Variants in MRAP2 observed in about 807,000 individuals in gnomAD.
MRAP2 encodes melanocortin 2 receptor accessory protein 2, also known as melanocortin-2 receptor accessory protein 2.
In MRAP2, 20 loss-of-function variants were observed where a neutral mutation model predicts 17.4. The ratio of observed to expected loss-of-function variants is 1.15; its 90% CI spans 0.81 to 1.67. MRAP2 has a LOEUF of 1.67. Among genes scored for constraint, MRAP2 ranks in the 40% most tolerant of loss-of-function variants. The probability of loss-of-function intolerance (pLI) is 0.00; values close to 1 mark genes in which losing one functional copy is unlikely to be tolerated. For synonymous variants in MRAP2, 96 were observed against 88.4 expected, an observed-to-expected ratio of 1.09 and a Z score of -0.48; for missense variants, 238 against 240.0, an observed-to-expected ratio of 0.99 and a Z score of 0.05.
At chr6:84,118,646 C>A in the MRAP2 span, among the ~76,000 whole-genome samples, 1 of 152,204 alleles carries the variant, frequency 6.6e-6, no homozygotes, top group Admixed American at 6.5e-5. Flanking sequence ...CCCACCCCTT[C>A]CCCTGGGGAC....
chr6:84,106,287 G>A, the MRAP2 span, among the ~76,000 whole-genome samples: 11 of 152,186 alleles, frequency 7.2e-5, no homozygotes, highest in Admixed American at 1.3e-4. Flanking sequence ...CATTCTATAC[G>A]TCAGTGGTTG....
the MRAP2 span, among the ~76,000 whole-genome samples, chr6:84,129,908 G>A: frequency 1.3e-5 from 2 of 152,150 alleles, no homozygotes; most frequent in Non-Finnish European, 2.9e-5. Flanking sequence ...GAATTGAATA[G>A]GAGTGGTGAG....
the MRAP2 span, among the ~76,000 whole-genome samples, chr6:84,139,374 C>G: frequency 6.6e-6 from 1 of 152,178 alleles, no homozygotes; most frequent in Non-Finnish European, 1.5e-5. Context: ...TTCTAAGCCA[C>G]TGTTTTGAGT....
chr6:84,124,770 G>A, the MRAP2 span: 67 of 337,394 alleles, frequency 2.0e-4, no homozygotes, highest in South Asian at 3.0e-4. Context: ...AAAATGTGGC[G>A]GAGTATGTTC....
chr6:84,052,806 T>G, intron 1 of MRAP2: 8 of 985,300 alleles, frequency 8.1e-6, no homozygotes, highest in Non-Finnish European at 9.6e-6. Context: ...TCACTCATTC[T>G]TGTCTCTCAG....
At chr6:84,128,104 C>T in the MRAP2 span, among the ~76,000 whole-genome samples, 1,005 of 152,300 alleles carry the variant, frequency 6.6e-3, 7 homozygotes, top group African/African-American at 0.023. Flanking sequence ...TAGCACCCAG[C>T]GCTGCCCATG....
chr6:84,131,488 T>C, the MRAP2 span, among the ~76,000 whole-genome samples: 3 of 152,212 alleles, frequency 2.0e-5, no homozygotes, highest in Non-Finnish European at 4.4e-5. Flanking sequence ...TCTAGGTCTC[T>C]TTGTAGGTCT....
the MRAP2 span, among the ~76,000 whole-genome samples, chr6:84,139,733 G>T: frequency 1.8e-4 from 27 of 152,142 alleles, no homozygotes; most frequent in Non-Finnish European, 1.0e-4. Flanking sequence ...AGATTGGTAG[G>T]AGAAAAAAAT....
At chr6:84,145,517 A>T in the MRAP2 span, among the ~76,000 whole-genome samples, 1 of 152,144 alleles carries the variant, frequency 6.6e-6, no homozygotes, top group Non-Finnish European at 1.5e-5. Context: ...ACTGTGCTTC[A>T]TTAGAAAACT....
chr6:84,110,525 A>T, the MRAP2 span, among the ~76,000 whole-genome samples: 3 of 151,892 alleles, frequency 2.0e-5, no homozygotes, highest in African/African-American at 7.2e-5. Context: ...TCTACGATAG[A>T]TTGCAAAGAT....
intron 3 of MRAP2, among the ~76,000 whole-genome samples, chr6:84,064,635 C>T (rs373984287): frequency 1.3e-5 from 2 of 152,220 alleles, no homozygotes; most frequent in East Asian, 1.9e-4. Flanking sequence ...CTACAGGCAC[C>T]CACCACCACG....
chr6:84,068,859 G>A (rs2099495479), intron 3 of MRAP2, among the ~76,000 whole-genome samples: 1 of 148,700 alleles, frequency 6.7e-6, no homozygotes, highest in South Asian at 2.1e-4. Flanking sequence ...AGTAGAGATG[G>A]GGTTTCACTG....
chr6:84,117,542 ATG>A, the MRAP2 span, among the ~76,000 whole-genome samples: 1 of 151,688 alleles, frequency 6.6e-6, no homozygotes, highest in African/African-American at 2.4e-5. Context: ...CAATTTCAAA[ATG>A]TGTTATTGTT....
At chr6:84,058,927 G>T (rs908105217) in intron 2 of MRAP2, among the ~76,000 whole-genome samples, 1 of 152,168 alleles carries the variant, frequency 6.6e-6, no homozygotes, top group East Asian at 1.9e-4. Context: ...AATGCTGGGG[G>T]TAAAAGGTTG....
chr6:84,039,758 A>ACTTC (rs904230760), intron 1 of MRAP2, among the ~76,000 whole-genome samples: 12 of 152,348 alleles, frequency 7.9e-5, no homozygotes, highest in African/African-American at 2.9e-4. Context: ...AGCAAAAATA[A>ACTTC]CAATCACTGG....
chr6:84,086,644 G>A (rs2480196), intron 3 of MRAP2, among the ~76,000 whole-genome samples: 25,367 of 152,144 alleles, frequency 0.17, 3,998 homozygotes, highest in African/African-American at 0.41. Flanking sequence ...GGGAGAATCA[G>A]ACACATCATA....
chr6:84,077,727 A>G (rs1436476980), intron 3 of MRAP2, among the ~76,000 whole-genome samples: 1 of 152,168 alleles, frequency 6.6e-6, no homozygotes, highest in Non-Finnish European at 1.5e-5. Context: ...GTATAAGGTC[A>G]ATTGAAAGAA....
At chr6:84,035,845 T>A (rs777962888) in intron 1 of MRAP2, among the ~76,000 whole-genome samples, 18 of 152,234 alleles carry the variant, frequency 1.2e-4, no homozygotes, top group Non-Finnish European at 2.5e-4. Context: ...CAATCAGAAT[T>A]CATCTCTGAA....
At chr6:84,140,588 C>T in the MRAP2 span, among the ~76,000 whole-genome samples, 1 of 152,106 alleles carries the variant, frequency 6.6e-6, no homozygotes. Flanking sequence ...GGTACAGTGG[C>T]ACAATCAGCT....
Sources: gnomAD v4.1 joint callset for allele counts (sites outside exome capture counted in the v4.1 genomes callset) on GRCh38, gnomAD v4.1.1 for gene constraint, MANE v1.5 for transcripts, NCBI Gene and HGNC (gene_info 2026-07-23, HGNC 2026-07-21) for gene names.